The following NOL4L variants were observed in gnomAD, a reference collection of about 807,000 sequenced individuals.
NOL4L encodes the protein nucleolar protein 4 like.
NOL4L carries 7 observed loss-of-function variants against 64.5 expected under a neutral mutation model. The ratio of observed to expected loss-of-function variants is 0.11; its 90% CI spans 0.06 to 0.20. The LOEUF is 0.20. NOL4L is among the 10% of genes least tolerant of loss of function. The pLI is 1.00. For synonymous variants in NOL4L, 413 were observed against 401.0 expected (o/e 1.03, Z -0.36); for missense variants, 680 against 967.1 (o/e 0.70, Z 3.94).
intron 5 of NOL4L, among the ~76,000 whole-genome samples, chr20:32,474,243 G>C (rs971601641): frequency 6.6e-6 from 1 of 152,226 alleles, no homozygotes. Context: ...GCTGGGCAGC[G>C]GAACTGCTCT....
Position 32,443,963 on chromosome 20 carries a change from T to C in NOL4L, c.*3633A>G, listed in dbSNP as rs2012230276. ...GAAAGTGTTTTTCAGCCAATCTGAG[T>C]TCTACGTGGTATAGGTTTTTTGTTG... On this transcript the variant is annotated 3_prime_UTR_variant, in exon 11 of 11. Coordinates refer to ENST00000621426, the MANE Select transcript of NOL4L (RefSeq NM_001256798.2). 1 of 152,238 alleles carries C rather than the reference T, an allele frequency of 6.6e-6. No individual in the cohort carries two copies. The allele number at this position is 152,238 out of a possible 1,614,324, so 9.4% of individuals were successfully genotyped here. A position where few individuals can be genotyped will look rare whatever the true frequency, so the allele number is the denominator to read the frequency against.
At chr20:32,559,681 A>G (rs1364459148) in intron 1 of NOL4L, among the ~76,000 whole-genome samples, 3 of 152,204 alleles carry the variant, frequency 2.0e-5, no homozygotes, top group Non-Finnish European at 2.9e-5. Flanking sequence ...ACTGGAATGC[A>G]TGGCCTAGTT....
intron 4 of NOL4L, among the ~76,000 whole-genome samples, chr20:32,485,366 C>G (rs2016045766): frequency 6.6e-6 from 1 of 152,148 alleles, no homozygotes; most frequent in Non-Finnish European, 1.5e-5. Flanking sequence ...TCTACAGCCG[C>G]GAGTGCGAAG....
intron 1 of NOL4L, among the ~76,000 whole-genome samples, chr20:32,558,860 G>C (rs528413590): frequency 1.3e-5 from 2 of 152,358 alleles, no homozygotes; most frequent in South Asian, 2.1e-4. Flanking sequence ...TGGATGGAGA[G>C]AGGGAGCCAG....
At chr20:32,529,212 C>A (rs567862676) in intron 1 of NOL4L, among the ~76,000 whole-genome samples, 14 of 152,146 alleles carry the variant, frequency 9.2e-5, no homozygotes, top group African/African-American at 3.1e-4. Context: ...GAGCTTCAGG[C>A]CCTTTATCTG....
At chr20:32,488,405 A>C (rs554440828) in intron 4 of NOL4L, among the ~76,000 whole-genome samples, 198 of 152,312 alleles carry the variant, frequency 1.3e-3, no homozygotes, top group African/African-American at 4.0e-3. Context: ...AGATCCTAAA[A>C]GACATCTTGA....
Position 32,460,316 on chromosome 20 carries a change from A to G in NOL4L, c.842-3921T>C, listed in dbSNP as rs748676056. 3.3e-5 allele frequency among the ~76,000 whole-genome samples: 5 copies of G among 152,204 alleles called. No homozygotes were observed. The highest frequency in any genetic ancestry group is 7.3e-5 in the Non-Finnish European group (5 of 68,034). On this transcript the variant is annotated intron_variant, in intron 5 of 10. Coordinates refer to ENST00000621426, the MANE Select transcript of NOL4L (RefSeq NM_001256798.2). This position sits in a 1 kb window ranked among gnomAD's most constrained non-coding sequence, Gnocchi z 5.7. Reference sequence around the variant, plus strand: ...CACACAGAGCCTACTCAGAGGGACAACATGGATCGCGAAAGCCTGCCTTCC... The same window carrying G: ...CACACAGAGCCTACTCAGAGGGACAGCATGGATCGCGAAAGCCTGCCTTCC...
At chr20:32,571,171 T>C (rs1455715241) in intron 1 of NOL4L, among the ~76,000 whole-genome samples, 1 of 152,038 alleles carries the variant, frequency 6.6e-6, no homozygotes, top group East Asian at 1.9e-4. Context: ...TTGCTTTTTG[T>C]TATTGTGGGG....
At chr20:32,518,180 C>T (rs1032423652) in intron 3 of NOL4L, among the ~76,000 whole-genome samples, 1 of 152,232 alleles carries the variant, frequency 6.6e-6, no homozygotes, top group Non-Finnish European at 1.5e-5. Context: ...GCTCCGCTAC[C>T]TGGGACAGAG....
intron 4 of NOL4L, among the ~76,000 whole-genome samples, chr20:32,495,491 C>G (rs1019274842): frequency 2.6e-5 from 4 of 152,192 alleles, no homozygotes; most frequent in Non-Finnish European, 5.9e-5. Context: ...GGGCTCTGGG[C>G]TCCGTGCCCA....
At chr20:32,573,842 G>A (rs575622623) in intron 1 of NOL4L, 4 of 154,332 alleles carry the variant, frequency 2.6e-5, no homozygotes, top group East Asian at 3.8e-4. Flanking sequence ...GAGCCTCCCA[G>A]CCTGAGCCCT....
In NOL4L at chr20:32,520,860, C is replaced by G. The variant is rs745688725; in HGVS notation, c.540G>C (p.Thr180=). Residue 180 remains threonine, a synonymous_variant, in exon 3 of 11, where the codon ACG becomes ACC. Coordinates refer to ENST00000621426, the MANE Select transcript of NOL4L (RefSeq NM_001256798.2). ...EAVTRFLMSC[T]ECQKRMHFNS... ...TAAAGTGCATCCTCTTCTGACACTC[C>G]GTACAGCTCATCAGGAACCGGGTCA... is the stretch of plus-strand genomic sequence containing the variant. 1.3e-6 allele frequency: 2 copies of G among 1,550,620 alleles called. No homozygotes were observed. The highest frequency in any genetic ancestry group is 2.7e-5 in the African/African-American group (2 of 73,020).
intron 1 of NOL4L, among the ~76,000 whole-genome samples, chr20:32,539,053 A>T (rs935870507): frequency 1.2e-4 from 18 of 152,000 alleles, no homozygotes; most frequent in African/African-American, 4.1e-4. Context: ...GGCGGCACAG[A>T]GTGTCTAGGG....
intron 6 of NOL4L, among the ~76,000 whole-genome samples, chr20:32,455,504 C>T (rs933975297): frequency 6.6e-6 from 1 of 152,200 alleles, no homozygotes; most frequent in Non-Finnish European, 1.5e-5. Flanking sequence ...CCTCTGGCCC[C>T]CGGGCCCAGG....
chr20:32,581,761 C>A (rs972028008), intron 1 of NOL4L, among the ~76,000 whole-genome samples: 1 of 152,202 alleles, frequency 6.6e-6, no homozygotes, highest in African/African-American at 2.4e-5. Context: ...ACCCCAGTGC[C>A]CGCACAAGGA....
In NOL4L at chr20:32,584,852, C is replaced by T; in HGVS notation, c.39G>A (p.Glu13=). 2 of 1,436,436 alleles carry T rather than the reference C, an allele frequency of 1.4e-6. No homozygotes were observed. Among genetic ancestry groups the T allele is most frequent in the South Asian group, 1.3e-5 (1 of 74,868 alleles). The allele number at this position is 1,436,436 out of a possible 1,614,324, so 89.0% of individuals were successfully genotyped here. ...CCGAGTCCCCGGGGCTGCGCTCGCG[C>T]TCCCAGCCCCCGCGCAGCAGCAGCG... The part of the protein sequence containing the change: ...KPTLLLRGGW[E]RERSPGDSEL... Residue 13 remains glutamate, a synonymous_variant, in exon 1 of 11, where the codon GAG becomes GAA. Coordinates refer to ENST00000621426, the MANE Select transcript of NOL4L (RefSeq NM_001256798.2).
intron 5 of NOL4L, 113 bp downstream of exon 5, chr20:32,474,488 G>A (rs1450806274): frequency 2.3e-6 from 3 of 1,318,968 alleles, no homozygotes; most frequent in Non-Finnish European, 3.0e-6. Context: ...CCACCCAAAG[G>A]CCTTGGCCCA....
intron 4 of NOL4L, among the ~76,000 whole-genome samples, chr20:32,490,526 G>A (rs1054340690): frequency 3.9e-5 from 6 of 152,124 alleles, no homozygotes; most frequent in Non-Finnish European, 5.9e-5. Flanking sequence ...GGGCCATAGC[G>A]CTGACTATCC....
At chr20:32,477,609 A>C (rs1032786191) in intron 4 of NOL4L, among the ~76,000 whole-genome samples, 1 of 152,252 alleles carries the variant, frequency 6.6e-6, no homozygotes, top group African/African-American at 2.4e-5. Context: ...GTGTTTAATG[A>C]GGACGCTCCA....
Sources: allele counts gnomAD v4.1 joint callset (sites outside exome capture counted in the v4.1 genomes callset), GRCh38; gene constraint gnomAD v4.1.1; non-coding constraint Gnocchi (gnomAD v3.1); transcripts MANE v1.5; gene names NCBI Gene and HGNC (gene_info 2026-07-23, HGNC 2026-07-21).